BABAM1: variants seen among roughly 807,000 people sequenced by gnomAD.
BABAM1 encodes the protein BRISC and BRCA1-A complex member 1.
Under a neutral mutation model 34.4 loss-of-function variants are expected in BABAM1, and 14 were observed. The observed-to-expected ratio is 0.41, with a 90% CI of 0.27 to 0.64. The LOEUF is 0.64. BABAM1 is among the 30% of genes least tolerant of loss of function. BABAM1 has a pLI of 0.34. For synonymous variants in BABAM1, 169 were observed against 165.8 expected, an observed-to-expected ratio of 1.02 and a Z score of -0.15; for missense variants, 393 against 434.0, an observed-to-expected ratio of 0.91 and a Z score of 0.84.
chr19:17,271,570 G>A lies in BABAM1; in HGVS notation c.286-27G>A, dbSNP rs184722188. ...GGGGCCAACGTTAAGGTCAGAGGAC[G>A]CTCACCACCCTCCAACTACCTTGCA... On this transcript the variant is annotated intron_variant, in intron 2 of 8. Coordinates refer to ENST00000598188, the MANE Select transcript of BABAM1 (RefSeq NM_014173.4). 1,452 of 1,612,088 alleles carry A rather than the reference G, an allele frequency of 9.0e-4. 19 individuals are homozygous for A. The Admixed American group carries it at 0.023, about 25-fold the overall frequency.
At chr19:17,276,299 C>A (rs967871091) in intron 6 of BABAM1, 196 bp from the exon 7 acceptor site, 8 of 740,434 alleles carry the variant, frequency 1.1e-5, no homozygotes, top group African/African-American at 1.8e-5. Context: ...CTCACCATTG[C>A]ACTTAGAGGG....
intron 3 of BABAM1, among the ~76,000 whole-genome samples, chr19:17,272,101 C>A (rs142872822): frequency 6.6e-6 from 1 of 151,926 alleles, no homozygotes; most frequent in Non-Finnish European, 1.5e-5. Flanking sequence ...CCACCATGCC[C>A]GTTTAATTTT....
In BABAM1 at chr19:17,279,087, T is replaced by G; in HGVS notation, c.*39T>G. On this transcript the variant is annotated 3_prime_UTR_variant, in exon 9 of 9. Transcript: ENST00000598188. ...ATCTGCACCTTCTTGTGCAAGGAAG[T>G]CCTTGGCCTAAAGCCTTGGTTCTCA... is the stretch of plus-strand genomic sequence containing the variant. The G allele has an allele frequency of 6.4e-7, 1 of 1,574,564 alleles. No homozygotes were observed.
chr19:17,276,995 C>A, intron 8 of BABAM1, 86 bp downstream of exon 8: 2 of 1,294,560 alleles, frequency 1.5e-6, no homozygotes, highest in Non-Finnish European at 2.1e-6. Context: ...GGGGTCTCTA[C>A]CTCCATTTGA....
chr19:17,275,920 C>T lies in BABAM1; in HGVS notation c.569+95C>T. The T allele has an allele frequency of 2.1e-6, 3 of 1,396,690 alleles. No individual in the cohort carries two copies. In the South Asian group the frequency reaches 3.5e-5, roughly 16 times the overall value. The allele number at this position is 1,396,690 out of a possible 1,614,324, so 86.5% of individuals were successfully genotyped here. Reference sequence around the variant, plus strand: ...ACGGCACAGAAGTAATCTAGGGAGCCTTAAAGCCTCCTCCCTTCCTACCTC... The same window carrying T: ...ACGGCACAGAAGTAATCTAGGGAGCTTTAAAGCCTCCTCCCTTCCTACCTC... On this transcript the variant is annotated intron_variant, in intron 6 of 8. Transcript: ENST00000598188.
rs751644686 is a variant in BABAM1 at position 17,268,984 on chromosome 19, G to C, written c.178G>C (p.Asp60His). 2 of 1,580,978 alleles carry C rather than the reference G, an allele frequency of 1.3e-6. No individual in the cohort carries two copies. The highest frequency in any genetic ancestry group is 2.3e-5 in the South Asian group (2 of 86,812). The change falls in exon 2 of 9, where the codon GAT (aspartate) becomes CAT (histidine). Residue 60 changes from aspartate to histidine, a missense_variant. By Grantham distance (81) the Asp-to-His change is moderately conservative. Coordinates refer to ENST00000598188, the MANE Select transcript of BABAM1 (RefSeq NM_014173.4). ...EGEGEAASAD[D>H]GSLNTSGAGP... ...TGAGGGTGAGGCCGCCAGTGCTGAT[G>C]ATGGGAGCCTCAACACTTCAGGAGC... is the stretch of plus-strand genomic sequence containing the variant.
rs201681717 is a variant in BABAM1, at chr19:17,276,560, G to C, written c.635G>C (p.Arg212Pro). 2.5e-6 allele frequency: 4 copies of C among 1,605,188 alleles called. No individual in the cohort carries two copies. Among genetic ancestry groups the C allele is most frequent in the Non-Finnish European group, 3.4e-6 (4 of 1,176,104 alleles). ...VQTIPPPYVV[R>P]TILVYSRPPC... ...ACGATTCCCCCGCCATATGTGGTCC[G>C]CACCATCCTTGTCTACAGCCGTCCA... is the stretch of plus-strand genomic sequence containing the variant. The change falls in exon 7 of 9, where the codon CGC becomes CCC. Residue 212 changes from arginine to proline, a missense_variant. Transcript: ENST00000598188.
chr19:17,277,739 CGTG>C (rs1172284355), intron 8 of BABAM1, among the ~76,000 whole-genome samples: 1 of 152,102 alleles, frequency 6.6e-6, no homozygotes, highest in Admixed American at 6.6e-5. Context: ...TCTAGCCAGG[CGTG>C]GTGGTGTACG....
intron 3 of BABAM1, among the ~76,000 whole-genome samples, chr19:17,273,547 TTTTTTTTGTTTGTTTTG>T (rs1229685255): frequency 0.074 from 2,347 of 31,550 alleles, 135 homozygotes; most frequent in African/African-American, 0.23. Context: ...TGAAGGAAGT[TTTTTTTTGTTTGTTTTG>T]TTTTTTTTTT....
intron 2 of BABAM1, among the ~76,000 whole-genome samples, chr19:17,270,170 A>G (rs1400364577): frequency 6.6e-6 from 1 of 151,542 alleles, no homozygotes; most frequent in Non-Finnish European, 1.5e-5. Context: ...TGACCTCGTG[A>G]TCCACCTGCC....
At chr19:17,271,766 C>A in intron 3 of BABAM1, 111 bp downstream of exon 3, 2 of 1,254,146 alleles carry the variant, frequency 1.6e-6, no homozygotes, top group South Asian at 1.3e-5. Context: ...TGGCTTCAGG[C>A]TTGGCAGTAT....
intron 8 of BABAM1, among the ~76,000 whole-genome samples, chr19:17,278,378 G>C (rs533170864): frequency 1.3e-5 from 2 of 149,530 alleles, no homozygotes; most frequent in Admixed American, 1.3e-4. Flanking sequence ...GTGTGATCTC[G>C]GCTCACTGCC....
intron 5 of BABAM1, among the ~76,000 whole-genome samples, chr19:17,275,178 T>C (rs1295361224): frequency 1.3e-5 from 2 of 152,190 alleles, no homozygotes; most frequent in Non-Finnish European, 2.9e-5. Flanking sequence ...GTGCTGAGAT[T>C]ACAGGCATGA....
rs2073880563 is a variant in BABAM1, at chr19:17,274,143, A to G, written c.502A>G (p.Ser168Gly). Reference sequence around the variant, plus strand: ...GACCTCCGACCCCCGCGAGCTCTGTAGCTGCCTCTATGATCTGGAGACGGC... The same window carrying G: ...GACCTCCGACCCCCGCGAGCTCTGTGGCTGCCTCTATGATCTGGAGACGGC... Reference protein sequence around the residue: ...GLTSDPRELCSCLYDLETASC... With the variant: ...GLTSDPRELCGCLYDLETASC... Residue 168 changes from serine to glycine, a missense_variant, in exon 5 of 9, where the codon AGC becomes GGC. Transcript: ENST00000598188. 1 of 1,613,550 alleles carries G rather than the reference A, an allele frequency of 6.2e-7. No individual in the cohort carries two copies. The highest frequency in any genetic ancestry group is 8.5e-7 in the Non-Finnish European group (1 of 1,179,850).
chr19:17,269,260 G>A (rs939273147), intron 2 of BABAM1, among the ~76,000 whole-genome samples, 169 bp downstream of exon 2: 1 of 152,112 alleles, frequency 6.6e-6, no homozygotes, highest in Non-Finnish European at 1.5e-5. Flanking sequence ...CACAGTTCTT[G>A]GGGCCAGAAG....
In BABAM1 at chr19:17,278,919, A is replaced by C. The variant is rs1599503319; in HGVS notation, c.861A>C (p.Pro287=). 6.2e-7 allele frequency: 1 copy of C among 1,613,458 alleles called. No homozygotes were observed. Among genetic ancestry groups the C allele is most frequent in the Non-Finnish European group, 8.5e-7 (1 of 1,179,774 alleles). Residue 287 remains proline (P), a synonymous_variant, in exon 9 of 9, where the codon CCA becomes CCC. Transcript: ENST00000598188. ...AGTATGAGGTGGCACTGGCTGGGCC[A>C]GCCCTGGAGTTGCACAACTGCATGG... ...SYKYEVALAG[P]ALELHNCMAK...
Position 17,269,403 on chromosome 19 carries a change from T to C in BABAM1, c.285+312T>C, listed in dbSNP as rs553638694. Among the ~76,000 whole-genome samples, 7 of 145,502 alleles carry C rather than the reference T, an allele frequency of 4.8e-5. No homozygotes were observed. The East Asian group carries it at 1.4e-3, about 29-fold the overall frequency. On this transcript the variant is annotated intron_variant, in intron 2 of 8. Coordinates refer to ENST00000598188, the MANE Select transcript of BABAM1 (RefSeq NM_014173.4). Reference sequence around the variant, plus strand: ...TTCGCTCTTGTTGCCCAGGCTGGAGTGCAATGGCACGATCTTGGCTCACTG... The same window carrying C: ...TTCGCTCTTGTTGCCCAGGCTGGAGCGCAATGGCACGATCTTGGCTCACTG...
rs552172631 is a variant in BABAM1, at chr19:17,277,032, G to A, written c.786+123G>A. On this transcript the variant is annotated intron_variant, in intron 8 of 8. Coordinates refer to ENST00000598188, the MANE Select transcript of BABAM1 (RefSeq NM_014173.4). ...ACCCCTGGAACCCTGGTTGGGGTAG[G>A]TCATGGCATTGGTCATTGAACAGCC... 1.2e-4 allele frequency: 114 copies of A among 916,184 alleles called. No individual in the cohort carries two copies. In the African/African-American group the frequency reaches 1.7e-3, roughly 13 times the overall value. 56.8% of individuals were successfully genotyped at this position (916,184 alleles called of 1,614,324 possible). A position where few individuals can be genotyped will look rare whatever the true frequency, so the allele number is the denominator to read the frequency against.
At chr19:17,278,099 G>A (rs1158004756) in intron 8 of BABAM1, among the ~76,000 whole-genome samples, 32 of 151,670 alleles carry the variant, frequency 2.1e-4, no homozygotes, top group African/African-American at 1.5e-4. Context: ...GCTTGAACCC[G>A]GGAGGCAGAG....
Sources: allele counts gnomAD v4.1 joint callset (sites outside exome capture counted in the v4.1 genomes callset), GRCh38; gene constraint gnomAD v4.1.1; transcripts MANE v1.5; gene names NCBI Gene and HGNC (gene_info 2026-07-23, HGNC 2026-07-21).